The following PCM1 variants were observed in gnomAD, a reference collection of about 807,000 sequenced individuals.
The protein encoded by PCM1 is pericentriolar material 1, also known as pericentriolar material 1 protein.
A neutral mutation model predicts 241.9 loss-of-function variants in PCM1; 157 were observed. The ratio of observed to expected loss-of-function variants is 0.65; its 90% CI spans 0.57 to 0.74. The LOEUF is 0.74. Among genes scored for constraint, PCM1 ranks in the 30% least tolerant of loss-of-function variants. The pLI, the probability that PCM1 is intolerant of heterozygous loss-of-function variation, is 0.00. For synonymous variants in PCM1, 1,085 were observed against 784.9 expected, an observed-to-expected ratio of 1.38 and a Z score of -6.39; for missense variants, 3,478 against 2,360.1, an observed-to-expected ratio of 1.47 and a Z score of -9.81.
At position 17,985,614 on chromosome 8, in the gene PCM1, T is replaced by G. The variant is rs761607271; in HGVS notation, c.4276T>G (p.Leu1426Val). Reference sequence around the variant, plus strand: ...CTTGAGACAGAGGGCTTTATATGCATTGCAGGTATCTGGTACCTAACATAA... The same window carrying G: ...CTTGAGACAGAGGGCTTTATATGCAGTGCAGGTATCTGGTACCTAACATAA... ...DYLRQRALYA[L>V]QDIVSRHISE... The change falls in exon 25 of 39, where the codon TTG becomes GTG. Residue 1426 changes from leucine (L) to valine (V), a missense_variant. By Grantham distance (32) the Leu-to-Val change is conservative. Coordinates refer to ENST00000325083, the MANE Select transcript of PCM1 (RefSeq NM_006197.4). 1 of 1,603,036 alleles carries G rather than the reference T, an allele frequency of 6.2e-7. No homozygotes were observed. The highest frequency in any genetic ancestry group is 8.5e-7 in the Non-Finnish European group (1 of 1,173,694).
chr8:17,923,480 G>T (rs118013631), intron 1 of PCM1, among the ~76,000 whole-genome samples: 2,507 of 152,330 alleles, frequency 0.016, 35 homozygotes, highest in South Asian at 0.038. Flanking sequence ...CGGGGAGGCT[G>T]TTCTGCGTCC....
chr8:17,968,038 C>T (rs1380438317), intron 21 of PCM1, among the ~76,000 whole-genome samples: 2 of 134,770 alleles, frequency 1.5e-5, no homozygotes, highest in Non-Finnish European at 3.1e-5. Flanking sequence ...GAAGTGTCAG[C>T]AAATCAGTTC....
In PCM1 at chr8:17,950,672, A is replaced by C; in HGVS notation, c.1019A>C (p.Glu340Ala). 6.2e-7 allele frequency: 1 copy of C among 1,606,114 alleles called. No homozygotes were observed. The highest frequency in any genetic ancestry group is 8.5e-7 in the Non-Finnish European group (1 of 1,175,462). The change falls in exon 8 of 39, where the codon GAA becomes GCA. Residue 340 changes from glutamate to alanine, a missense_variant. Transcript: ENST00000325083. ...GTCAGTATCACATCTGAACTAAATG[A>C]AGAATTGAATGACTTAATTCAGCGT... The part of the protein sequence containing the change: ...SGVSITSELN[E>A]ELNDLIQRFH...
intron 24 of PCM1, among the ~76,000 whole-genome samples, chr8:17,982,185 C>G (rs562214926): frequency 6.6e-6 from 1 of 152,254 alleles, no homozygotes; most frequent in South Asian, 2.1e-4. Flanking sequence ...GTGTTCCTTT[C>G]TGCAAAAATA....
intron 2 of PCM1, chr8:17,926,851 AG>A (rs1349639768): frequency 2.6e-5 from 4 of 152,194 alleles, no homozygotes; most frequent in Non-Finnish European, 5.9e-5. Flanking sequence ...ATGATCAGAA[AG>A]AGGAACTTCA....
intron 26 of PCM1, among the ~76,000 whole-genome samples, chr8:17,987,442 T>G (rs2082986935): frequency 6.6e-6 from 1 of 151,876 alleles, no homozygotes; most frequent in African/African-American, 2.4e-5. Flanking sequence ...TTTAAGAGAT[T>G]GGAGCACATT....
intron 2 of PCM1, among the ~76,000 whole-genome samples, chr8:17,929,408 C>T (rs866537604): frequency 3.9e-5 from 6 of 152,204 alleles, no homozygotes; most frequent in Non-Finnish European, 8.8e-5. Flanking sequence ...TCCTCTGTCC[C>T]ACTTTTTGAG....
At chr8:17,979,188 C>T (rs771578822) in intron 23 of PCM1, among the ~76,000 whole-genome samples, 15 of 151,348 alleles carry the variant, frequency 9.9e-5, no homozygotes, top group Non-Finnish European at 1.9e-4. Context: ...AGCCAGTGTA[C>T]ATCATTGTAA....
In PCM1 at chr8:17,955,526, G is replaced by T. The variant is rs753649035; in HGVS notation, c.1345G>T (p.Gly449Cys). The change falls in exon 10 of 39, where the codon GGC becomes TGC. Residue 449 changes from glycine (G) to cysteine (C), a missense_variant. Coordinates refer to ENST00000325083, the MANE Select transcript of PCM1 (RefSeq NM_006197.4). ...TACTTCAGCTCCCTCTGCTTCTGTAGGCTTGGCACCGGTTGTCAATGGAGA... is the reference window on the plus strand; with the variant it reads ...TACTTCAGCTCCCTCTGCTTCTGTATGCTTGGCACCGGTTGTCAATGGAGA... ...RSTSAPSASVGLAPVVNGESN... is the reference protein window; with the variant it reads ...RSTSAPSASVCLAPVVNGESN... 1 of 1,613,766 alleles carries T rather than the reference G, an allele frequency of 6.2e-7. No homozygotes were observed. Among genetic ancestry groups the T allele is most frequent in the South Asian group, 1.1e-5 (1 of 91,042 alleles).
chr8:17,970,202 A>C (rs1455623613), intron 22 of PCM1, among the ~76,000 whole-genome samples: 2 of 152,140 alleles, frequency 1.3e-5, no homozygotes, highest in African/African-American at 4.8e-5. Context: ...TTGAGGATGC[A>C]TGGTATTAAT....
intron 2 of PCM1, among the ~76,000 whole-genome samples, chr8:17,930,051 T>C (rs2058478830): frequency 6.6e-6 from 1 of 152,028 alleles, no homozygotes; most frequent in Non-Finnish European, 1.5e-5. Context: ...GCAGTTTTGC[T>C]TGAATTGGTA....
chr8:18,005,999 A>G, intron 29 of PCM1: 1 of 327,520 alleles, frequency 3.1e-6, no homozygotes, highest in South Asian at 8.8e-5. Context: ...ACAGAAAGAA[A>G]GTGCTGAAAA....
rs780011869 is a variant in PCM1 at position 17,966,319 on chromosome 8, T to G, written c.3076-9T>G. ...TCAGTAACTATTAACAAACATTTTC[T>G]TTCAATAGACTCTATCTTGTCTGCT... On this transcript the variant is annotated splice_polypyrimidine_tract_variant and intron_variant, in intron 19 of 38. Transcript: ENST00000325083. The G allele has an allele frequency of 3.1e-6, 5 of 1,613,062 alleles. No individual in the cohort carries two copies. The African/African-American group carries it at 4.0e-5, about 13-fold the overall frequency.
chr8:18,019,250 T>C (rs1486058745), intron 36 of PCM1, among the ~76,000 whole-genome samples: 2 of 152,110 alleles, frequency 1.3e-5, no homozygotes, highest in South Asian at 2.1e-4. Flanking sequence ...TCTGTCTATA[T>C]GTAGATAATC....
At chr8:17,923,483 C>T (rs1014761974) in intron 1 of PCM1, among the ~76,000 whole-genome samples, 5 of 152,204 alleles carry the variant, frequency 3.3e-5, no homozygotes, top group African/African-American at 1.2e-4. Context: ...GGAGGCTGTT[C>T]TGCGTCCCGG....
At chr8:17,950,802 A>C in intron 8 of PCM1, 78 bp downstream of exon 8, 1 of 802,176 alleles carries the variant, frequency 1.2e-6, no homozygotes. Flanking sequence ...TTCAGTGAGC[A>C]TACATATCAC....
Position 17,985,525 on chromosome 8 carries a change from A to G in PCM1, c.4187A>G (p.Asn1396Ser). 6.3e-7 allele frequency: 1 copy of G among 1,587,420 alleles called. No individual in the cohort carries two copies. The highest frequency in any genetic ancestry group is 8.6e-7 in the Non-Finnish European group (1 of 1,164,484). The change falls in exon 25 of 39, where the codon AAT (asparagine) becomes AGT (serine). Residue 1396 changes from asparagine to serine, a missense_variant. Physicochemically the swap from Asn to Ser is conservative, Grantham distance 46. Coordinates refer to ENST00000325083, the MANE Select transcript of PCM1 (RefSeq NM_006197.4). The stretch of plus-strand genomic sequence containing the variant: ...GAAGTAGCTACATTAATTTCTCAAA[A>G]TGAATCTCGTCCACATTTTCTTATT... ...YSEVATLISQ[N>S]ESRPHFLIEL...
chr8:18,001,884 G>C (rs897918245), intron 29 of PCM1, among the ~76,000 whole-genome samples: 3 of 151,716 alleles, frequency 2.0e-5, no homozygotes, highest in African/African-American at 7.3e-5. Flanking sequence ...AAAGTCAGCT[G>C]ATCGTGTCCA....
At chr8:17,964,001 G>A (rs568264723) in intron 17 of PCM1, among the ~76,000 whole-genome samples, 1 of 152,006 alleles carries the variant, frequency 6.6e-6, no homozygotes. Flanking sequence ...GGTACTACAC[G>A]TCTGTTCTTC....
Sources: gnomAD v4.1 joint callset for allele counts (sites outside exome capture counted in the v4.1 genomes callset) on GRCh38, gnomAD v4.1.1 for gene constraint, MANE v1.5 for transcripts, NCBI Gene and HGNC (gene_info 2026-07-23, HGNC 2026-07-21) for gene names.